Variants in ITGA2 observed in about 807,000 individuals in gnomAD.
The protein encoded by ITGA2 is integrin subunit alpha 2.
A neutral mutation model predicts 146.3 loss-of-function variants in ITGA2; 101 were observed. The ratio of observed to expected loss-of-function variants is 0.69; its 90% CI spans 0.59 to 0.81. ITGA2 has a LOEUF of 0.81. ITGA2 is among the 40% of genes least tolerant of loss of function. The pLI is 0.00. For missense variants in ITGA2, 1,281 were observed against 1,402.7 expected, an observed-to-expected ratio of 0.91 and a Z score of 1.39; for synonymous variants, 477 against 487.1, an observed-to-expected ratio of 0.98 and a Z score of 0.27.
At chr5:53,009,382 C>T (rs1742012860) in intron 1 of ITGA2, among the ~76,000 whole-genome samples, 1 of 152,050 alleles carries the variant, frequency 6.6e-6, no homozygotes, top group Admixed American at 6.6e-5. Flanking sequence ...CTGGTGAGGG[C>T]TCAGAAGGAA....
At position 53,090,694 on chromosome 5, in the gene ITGA2, T is replaced by A. The variant is rs1262857855; in HGVS notation, c.*95T>A. 5.1e-6 allele frequency: 5 copies of A among 983,408 alleles called. No individual in the cohort carries two copies. The highest frequency in any genetic ancestry group is 5.3e-5 in the East Asian group (2 of 37,862). 60.9% of individuals were successfully genotyped at this position (983,408 alleles called of 1,614,324 possible). A position where few individuals can be genotyped will look rare whatever the true frequency, so the allele number is the denominator to read the frequency against. On this transcript the variant is annotated 3_prime_UTR_variant, in exon 30 of 30. Transcript: ENST00000296585. Reference sequence around the variant, plus strand: ...TTCTTTTTAAATCCCATATTTTTTTTATCATGTCGTAGGTAAACTAACCTG... The same window carrying A: ...TTCTTTTTAAATCCCATATTTTTTTAATCATGTCGTAGGTAAACTAACCTG...
intron 2 of ITGA2, among the ~76,000 whole-genome samples, chr5:53,033,897 G>T (rs1267499898): frequency 6.6e-6 from 1 of 151,712 alleles, no homozygotes; most frequent in East Asian, 1.9e-4. Context: ...CCAAGTAGCT[G>T]AAACTACAAG....
intron 2 of ITGA2, among the ~76,000 whole-genome samples, chr5:53,039,241 A>G (rs1054884011): frequency 4.6e-5 from 7 of 152,238 alleles, no homozygotes; most frequent in Non-Finnish European, 1.0e-4. Flanking sequence ...CACACTTCCT[A>G]TGATAGTTCC....
At chr5:53,088,355 T>G (rs1291932526) in intron 28 of ITGA2, among the ~76,000 whole-genome samples, 1 of 152,094 alleles carries the variant, frequency 6.6e-6, no homozygotes, top group East Asian at 1.9e-4. Context: ...CAGAAGCCAA[T>G]TACTAGGTGC....
At chr5:53,069,565 C>G (rs1213058933) in intron 16 of ITGA2, among the ~76,000 whole-genome samples, 3 of 151,822 alleles carry the variant, frequency 2.0e-5, no homozygotes, top group Admixed American at 6.6e-5. Context: ...AATATGAGCT[C>G]TTATTTCAAA....
At chr5:53,033,866 C>T (rs1178476585) in intron 2 of ITGA2, among the ~76,000 whole-genome samples, 2 of 151,530 alleles carry the variant, frequency 1.3e-5, no homozygotes, top group African/African-American at 4.8e-5. Flanking sequence ...TGGGTTCATG[C>T]CATTCTCCTC....
intron 2 of ITGA2, among the ~76,000 whole-genome samples, chr5:53,030,770 TAGA>T (rs1260149450): frequency 1.3e-5 from 2 of 152,270 alleles, no homozygotes; most frequent in African/African-American, 4.8e-5. Context: ...TTGAATAATA[TAGA>T]AGACATCAGT....
intron 11 of ITGA2, among the ~76,000 whole-genome samples, chr5:53,060,277 A>G (rs1744843967): frequency 6.6e-6 from 1 of 151,952 alleles, no homozygotes; most frequent in African/African-American, 2.4e-5. Context: ...CAAAATGGAA[A>G]TAGTTCCCAA....
chr5:53,003,709 A>G (rs1342780577), intron 1 of ITGA2, among the ~76,000 whole-genome samples: 2 of 152,242 alleles, frequency 1.3e-5, no homozygotes, highest in East Asian at 3.8e-4. Flanking sequence ...GAGACTTAAG[A>G]TTCCACCTAT....
At chr5:53,020,697 G>A (rs1229033275) in intron 1 of ITGA2, among the ~76,000 whole-genome samples, 1 of 142,656 alleles carries the variant, frequency 7.0e-6, no homozygotes, top group East Asian at 2.0e-4. Context: ...TTTTTTTTTT[G>A]GTGAGGTGGA....
intron 1 of ITGA2, among the ~76,000 whole-genome samples, chr5:52,999,489 A>G (rs1181477713): frequency 6.6e-6 from 1 of 152,148 alleles, no homozygotes; most frequent in Non-Finnish European, 1.5e-5. Context: ...TGGGTAAGAG[A>G]CAAAGGTCTT....
chr5:53,027,637 G>C (rs1361048815), intron 2 of ITGA2, among the ~76,000 whole-genome samples: 1 of 152,208 alleles, frequency 6.6e-6, no homozygotes, highest in Non-Finnish European at 1.5e-5. Flanking sequence ...CCCACTGGTG[G>C]ACACAGGTCC....
At chr5:53,064,524 C>A (rs959887901) in intron 13 of ITGA2, among the ~76,000 whole-genome samples, 3 of 151,582 alleles carry the variant, frequency 2.0e-5, no homozygotes, top group African/African-American at 7.3e-5. Flanking sequence ...ATTTTATTTT[C>A]TTTTTTATTT....
chr5:53,007,428 C>T (rs1192774214), intron 1 of ITGA2, among the ~76,000 whole-genome samples: 2 of 151,678 alleles, frequency 1.3e-5, no homozygotes, highest in Admixed American at 6.6e-5. Context: ...ACATATCCTG[C>T]TAATGAGCAA....
chr5:53,067,930 C>G (rs1318954912), intron 16 of ITGA2, among the ~76,000 whole-genome samples: 1 of 151,874 alleles, frequency 6.6e-6, no homozygotes, highest in Non-Finnish European at 1.5e-5. Context: ...TCTAAGCACA[C>G]TATCTCACCT....
rs577899978 is a variant in ITGA2, at chr5:53,073,481, T to C, written c.2571+222T>C. 4.6e-5 allele frequency among the ~76,000 whole-genome samples: 7 copies of C among 151,966 alleles called. No individual in the cohort carries two copies. In the East Asian group the frequency reaches 1.2e-3, roughly 25 times the overall value. On this transcript the variant is annotated intron_variant, in intron 20 of 29. Coordinates refer to ENST00000296585, the MANE Select transcript of ITGA2 (RefSeq NM_002203.4). Reference sequence around the variant, plus strand: ...TCAGTTTTTCCCTTATCCTGAGACTTGGCAGCAGTAGCCAGACACTCCCAT... The same window carrying C: ...TCAGTTTTTCCCTTATCCTGAGACTCGGCAGCAGTAGCCAGACACTCCCAT...
intron 1 of ITGA2, among the ~76,000 whole-genome samples, chr5:53,025,209 T>C (rs3928414): frequency 0.039 from 5,902 of 152,314 alleles, 199 homozygotes; most frequent in East Asian, 0.16. Context: ...GGGGTGAAGA[T>C]AAATGTTGGT....
chr5:53,060,161 A>C (rs971888872), intron 11 of ITGA2, 149 bp downstream of exon 11: 1 of 844,388 alleles, frequency 1.2e-6, no homozygotes, highest in African/African-American at 1.7e-5. Context: ...TCTCTTTGCC[A>C]ATCGGGCCTT....
intron 1 of ITGA2, among the ~76,000 whole-genome samples, chr5:53,021,522 G>A (rs1447796260): frequency 6.6e-6 from 1 of 152,076 alleles, no homozygotes; most frequent in Non-Finnish European, 1.5e-5. Flanking sequence ...GGAAACCTTT[G>A]CTGCCCCTAA....
Sources: allele counts gnomAD v4.1 joint callset (sites outside exome capture counted in the v4.1 genomes callset), GRCh38; gene constraint gnomAD v4.1.1; transcripts MANE v1.5; gene names NCBI Gene and HGNC (gene_info 2026-07-23, HGNC 2026-07-21).